ACKR2: variants seen among roughly 807,000 people sequenced by gnomAD.
ACKR2 encodes atypical chemokine receptor 2, also known as C-C chemokine receptor D6.
For synonymous variants in ACKR2, 207 were observed against 192.2 expected, an observed-to-expected ratio of 1.08 and a Z score of -0.64; for missense variants, 457 against 477.3, an observed-to-expected ratio of 0.96 and a Z score of 0.40.
intron 2 of ACKR2, among the ~76,000 whole-genome samples, chr3:42,843,035 T>TATTC (rs1294160241): frequency 5.0e-5 from 2 of 40,138 alleles, no homozygotes; most frequent in African/African-American, 1.5e-4. Context: ...CATGTCTAGC[T>TATTC]ATTTATTTAT....
rs1177934010 is a variant in ACKR2 at position 42,865,489 on chromosome 3, C to T, written c.987C>T (p.Ala329=). 1.1e-5 allele frequency: 17 copies of T among 1,614,034 alleles called. No homozygotes were observed. The East Asian group carries it at 1.1e-4, about 11-fold the overall frequency. ...AGTACCTGAAGGCTTTCCTGGCTGC[C>T]GTGCTTGGATGGCACCTGGCACCTG... ...FRQYLKAFLA[A]VLGWHLAPGT... is the part of the protein sequence containing the mutation. Residue 329 remains alanine, a synonymous_variant, in exon 3 of 3, where the codon GCC becomes GCT. Transcript: ENST00000422265.
At position 42,862,290 on chromosome 3, in the gene ACKR2, A is replaced by G. The variant is rs147059977; in HGVS notation, c.-37-2176A>G. ...TACAAAGAGAATAAAATACCTAAGAATACAACTTACAAGGGATGTGAAGAA... is the reference window on the plus strand; with the variant it reads ...TACAAAGAGAATAAAATACCTAAGAGTACAACTTACAAGGGATGTGAAGAA... On this transcript the variant is annotated intron_variant, in intron 2 of 2. Transcript: ENST00000422265. 9.8e-5 allele frequency among the ~76,000 whole-genome samples: 15 copies of G among 152,362 alleles called. 1 individual carries two copies. The East Asian group carries it at 2.9e-3, about 29-fold the overall frequency.
chr3:42,839,638 A>G (rs1042854744), intron 2 of ACKR2, among the ~76,000 whole-genome samples: 2 of 152,164 alleles, frequency 1.3e-5, no homozygotes, highest in African/African-American at 4.8e-5. Flanking sequence ...GAGAGTTGCT[A>G]CCATACTTAG....
chr3:42,837,066 G>A (rs1700993058), intron 2 of ACKR2, among the ~76,000 whole-genome samples: 1 of 152,126 alleles, frequency 6.6e-6, no homozygotes, highest in Non-Finnish European at 1.5e-5. Context: ...TAATGTGCAA[G>A]ACCCTAGGAT....
chr3:42,861,254 A>G (rs1451151469), intron 2 of ACKR2, among the ~76,000 whole-genome samples: 1 of 152,264 alleles, frequency 6.6e-6, no homozygotes, highest in African/African-American at 2.4e-5. Context: ...AATAAGCTAG[A>G]AAATCTAGAA....
intron 2 of ACKR2, among the ~76,000 whole-genome samples, chr3:42,854,437 T>C (rs1701197920): frequency 6.6e-6 from 1 of 152,178 alleles, no homozygotes; most frequent in African/African-American, 2.4e-5. Flanking sequence ...GAAGTCCCAC[T>C]GTCGGAACCT....
chr3:42,824,531 C>T (rs1468844337), intron 2 of ACKR2, among the ~76,000 whole-genome samples: 2 of 152,172 alleles, frequency 1.3e-5, no homozygotes, highest in Non-Finnish European at 2.9e-5. Flanking sequence ...CCCCCTGCCC[C>T]ATGAATCTAT....
intron 2 of ACKR2, among the ~76,000 whole-genome samples, chr3:42,844,758 A>G: frequency 6.6e-6 from 1 of 152,008 alleles, no homozygotes. Flanking sequence ...CTATTTTGAG[A>G]CCCCCATTCT....
chr3:42,866,259 C>A lies in ACKR2; in HGVS notation c.*602C>A, dbSNP rs1416777516. On this transcript the variant is annotated 3_prime_UTR_variant, in exon 3 of 3. Transcript: ENST00000422265. ...TGGCGCGATCTCGGCTCACTGCAAC[C>A]TCCACCTCCCGGATTCAAGCGATTC... The A allele has an allele frequency of 6.7e-6, 1 of 150,160 alleles. No individual in the cohort carries two copies. Among genetic ancestry groups the A allele is most frequent in the African/African-American group, 2.4e-5 (1 of 40,860 alleles). The allele number at this position is 150,160 out of a possible 1,614,324, so 9.3% of individuals were successfully genotyped here.
chr3:42,864,384 A>G lies in ACKR2; in HGVS notation c.-37-82A>G, dbSNP rs1412459575. 3.9e-6 allele frequency: 5 copies of G among 1,285,094 alleles called. No homozygotes were observed. The African/African-American group carries it at 6.0e-5, about 15-fold the overall frequency. 79.6% of individuals were successfully genotyped at this position (1,285,094 alleles called of 1,614,324 possible). A position where few individuals can be genotyped will look rare whatever the true frequency, so the allele number is the denominator to read the frequency against. The stretch of plus-strand genomic sequence containing the variant: ...GTACTGATGTAGATTTGAAGAGTCT[A>G]TTGGACATCCCAGGGCAGCAGCAAA... On this transcript the variant is annotated intron_variant, in intron 2 of 2. Coordinates refer to ENST00000422265, the MANE Select transcript of ACKR2 (RefSeq NM_001296.5).
chr3:42,819,035 T>G (rs1036472371), intron 1 of ACKR2, among the ~76,000 whole-genome samples: 9 of 152,136 alleles, frequency 5.9e-5, no homozygotes, highest in Non-Finnish European at 1.5e-5. Context: ...GGCACAGAAT[T>G]TTCCTGACTA....
intron 2 of ACKR2, among the ~76,000 whole-genome samples, chr3:42,828,465 G>A (rs1347025023): frequency 6.6e-6 from 1 of 152,166 alleles, no homozygotes; most frequent in East Asian, 1.9e-4. Flanking sequence ...GTGACTGTGA[G>A]AAGGTCACTT....
At chr3:42,825,186 T>C (rs960594281) in intron 2 of ACKR2, among the ~76,000 whole-genome samples, 1 of 152,226 alleles carries the variant, frequency 6.6e-6, no homozygotes, top group African/African-American at 2.4e-5. Context: ...TTGGCTATTC[T>C]GGGTTCCTTG....
In ACKR2 at chr3:42,852,009, C is replaced by T. The variant is rs75138900; in HGVS notation, c.-37-12457C>T. On this transcript the variant is annotated intron_variant, in intron 2 of 2. Transcript: ENST00000422265. This position sits in a 1 kb window ranked among gnomAD's most constrained non-coding sequence, Gnocchi z 4.3. ...CCTGAATCAAATGTCATTTAATCAGCGAGTTTATTCATTTTAGGGGCTGGA... is the reference window on the plus strand; with the variant it reads ...CCTGAATCAAATGTCATTTAATCAGTGAGTTTATTCATTTTAGGGGCTGGA... Among the ~76,000 whole-genome samples the T allele has an allele frequency of 8.2e-3, 1,253 of 152,254 alleles. 19 individuals are homozygous for T. Among genetic ancestry groups the T allele is most frequent in the East Asian group, 0.05 (259 of 5,178 alleles).
At chr3:42,828,007 A>T (rs977940632) in intron 2 of ACKR2, among the ~76,000 whole-genome samples, 1 of 151,940 alleles carries the variant, frequency 6.6e-6, no homozygotes, top group Non-Finnish European at 1.5e-5. Context: ...TGTAAAGTCA[A>T]CAGGGAAAGG....
At chr3:42,833,197 C>A (rs1016624471) in intron 2 of ACKR2, among the ~76,000 whole-genome samples, 1 of 152,088 alleles carries the variant, frequency 6.6e-6, no homozygotes. Flanking sequence ...GATGAGGGCT[C>A]ACTAAGTTGC....
intron 2 of ACKR2, among the ~76,000 whole-genome samples, chr3:42,830,641 C>T (rs892821403): frequency 1.3e-4 from 20 of 151,972 alleles, no homozygotes; most frequent in African/African-American, 4.8e-4. Flanking sequence ...GTCCCCCTCC[C>T]TGCCTTTGTC....
chr3:42,819,096 A>C (rs1700783258), intron 1 of ACKR2, among the ~76,000 whole-genome samples: 1 of 152,080 alleles, frequency 6.6e-6, no homozygotes, highest in African/African-American at 2.4e-5. Context: ...TTTGAATTTG[A>C]GATTAACAAC....
chr3:42,856,406 G>A lies in ACKR2; in HGVS notation c.-37-8060G>A, dbSNP rs777998131. ...CACTGAATAGTTCCATCAGCCATGA[G>A]ATCATGGTATCATAGATACTTTGGG... On this transcript the variant is annotated intron_variant, in intron 2 of 2. Transcript: ENST00000422265. 3 of 702,936 alleles carry A rather than the reference G, an allele frequency of 4.3e-6. No individual in the cohort carries two copies. The South Asian group carries it at 4.4e-5, about 10-fold the overall frequency. The allele number at this position is 702,936 out of a possible 1,614,324, so 43.5% of individuals were successfully genotyped here. A position where few individuals can be genotyped will look rare whatever the true frequency, so the allele number is the denominator to read the frequency against.
Sources: allele counts gnomAD v4.1 joint callset (sites outside exome capture counted in the v4.1 genomes callset), GRCh38; gene constraint gnomAD v4.1.1; non-coding constraint Gnocchi (gnomAD v3.1); transcripts MANE v1.5; gene names NCBI Gene and HGNC (gene_info 2026-07-23, HGNC 2026-07-21).